Variants in POMGNT1 observed in about 807,000 individuals in gnomAD.
POMGNT1 encodes the protein protein O-linked-mannose beta-1,2-N-acetylglucosaminyltransferase 1.
POMGNT1 carries 67 observed loss-of-function variants against 95.6 expected under a neutral mutation model. The observed-to-expected ratio is 0.70, with a 90% CI of 0.58 to 0.86. POMGNT1 has a LOEUF of 0.86. POMGNT1 is among the 40% of genes least tolerant of loss of function. The probability of loss-of-function intolerance (pLI) is 0.00; values close to 1 mark genes in which losing one functional copy is unlikely to be tolerated. For missense variants in POMGNT1, 719 were observed against 855.2 expected (o/e 0.84, Z 1.99); for synonymous variants, 298 against 317.9 (o/e 0.94, Z 0.66).
At chr1:46,220,143 G>C in exon 1 of POMGNT1, 2 of 1,614,192 alleles carry the variant, frequency 1.2e-6, no homozygotes, top group Non-Finnish European at 1.7e-6. Context: ...TGAGTCACCA[G>C]AGGATGAGAG....
intron 1 of POMGNT1, among the ~76,000 whole-genome samples, chr1:46,207,929 G>A (rs1044726002): frequency 4.0e-5 from 6 of 151,656 alleles, no homozygotes; most frequent in East Asian, 1.9e-4. Flanking sequence ...GTGCAATGGC[G>A]TGATCTCGGC....
upstream of POMGNT1, among the ~76,000 whole-genome samples, chr1:46,199,045 G>A (rs555120759): frequency 8.7e-4 from 132 of 152,162 alleles, no homozygotes; most frequent in African/African-American, 2.9e-3. Context: ...GGGTTCAAGC[G>A]ATTCTCCTGC....
chr1:46,217,469 T>G (rs1187844066), intron 1 of POMGNT1, among the ~76,000 whole-genome samples: 1 of 152,226 alleles, frequency 6.6e-6, no homozygotes, highest in Non-Finnish European at 1.5e-5. Context: ...TTCCAAATCC[T>G]AATAAAGTAA....
chr1:46,205,865 C>T (rs999813824), intron 1 of POMGNT1, among the ~76,000 whole-genome samples: 4 of 152,230 alleles, frequency 2.6e-5, no homozygotes, highest in Non-Finnish European at 4.4e-5. Context: ...GATTTGCCTT[C>T]GGGCTACTGA....
chr1:46,194,302 G>A lies in POMGNT1; in HGVS notation c.851C>T (p.Pro284Leu). 6.2e-7 allele frequency: 1 copy of A among 1,614,184 alleles called. No individual in the cohort carries two copies. Among genetic ancestry groups the A allele is most frequent in the Middle Eastern group, 1.6e-4 (1 of 6,062 alleles). ...GYGSVCSCKD[P>L]TPIEFSPDPL... ...GTCAGGGCTGAACTCGATGGGTGTGGGGTCCTTGCAGCTGCATACACTTCC... is the reference window on the plus strand; with the variant it reads ...GTCAGGGCTGAACTCGATGGGTGTGAGGTCCTTGCAGCTGCATACACTTCC... Residue 284 changes from proline to leucine, a missense_variant, in exon 9 of 22, where the codon CCC becomes CTC. By Grantham distance (98) the Pro-to-Leu change is moderately conservative (BLOSUM62 -3). Around this residue, in one of 5 missense-constraint regions of POMGNT1, gnomAD observed 466 missense variants for 517.4 expected, o/e 0.90. Coordinates refer to ENST00000371984, the MANE Select transcript of POMGNT1 (RefSeq NM_017739.4).
chr1:46,192,623 G>A lies in POMGNT1; in HGVS notation c.1212-33C>T, dbSNP rs777302101. The A allele has an allele frequency of 2.5e-6, 4 of 1,611,992 alleles. No individual in the cohort carries two copies. The South Asian group carries it at 4.4e-5, about 18-fold the overall frequency. ...AGGCAGGGTCAAAGAGTTCAGGGAG[G>A]GACAAGGATAAATCTAGTCACACAG... On this transcript the variant is annotated intron_variant, in intron 14 of 21. Transcript: ENST00000371984.
chr1:46,191,962 CTG>C, intron 17 of POMGNT1, 134 bp downstream of exon 17: 1 of 1,381,258 alleles, frequency 7.2e-7, no homozygotes, highest in Non-Finnish European at 1.0e-6. Flanking sequence ...GATAAAGAAA[CTG>C]AGGCAAAAAT....
At chr1:46,220,282 A>G in exon 1 of POMGNT1, 3 of 1,496,278 alleles carry the variant, frequency 2.0e-6, no homozygotes, top group South Asian at 1.3e-5. Context: ...GTCTCCCCCA[A>G]AATTGATTCT....
upstream of POMGNT1, among the ~76,000 whole-genome samples, chr1:46,202,950 T>TGTGTGG (rs1658592110): frequency 7.9e-6 from 1 of 127,032 alleles, no homozygotes; most frequent in South Asian, 2.6e-4. Context: ...TGTGTGTGTG[T>TGTGTGG]GTGTGTGTCT....
In POMGNT1 at chr1:46,193,930, G is replaced by A. The variant is rs746970517; in HGVS notation, c.880-5C>T. On this transcript the variant is annotated splice_polypyrimidine_tract_variant and splice_region_variant and intron_variant, in intron 9 of 21. Transcript: ENST00000371984. ...GAGGACCTTGTTGTCTGGGAGCTGT[G>A]GGAGAAATAGCGTTTAGCTCTTGCC... 1.9e-6 allele frequency: 3 copies of A among 1,613,932 alleles called. No individual in the cohort carries two copies. Among genetic ancestry groups the A allele is most frequent in the African/African-American group, 1.3e-5 (1 of 74,918 alleles).
chr1:46,193,328 T>C lies in POMGNT1; in HGVS notation c.1087A>G (p.Ile363Val). The change falls in exon 12 of 22, where the codon ATC becomes GTC. Residue 363 changes from isoleucine to valine, a missense_variant. By Grantham distance (29) the Ile-to-Val change is conservative. This residue lies in a region of POMGNT1 where 466 missense variants were observed against 517.4 expected (regional missense o/e 0.90). Coordinates refer to ENST00000371984, the MANE Select transcript of POMGNT1 (RefSeq NM_017739.4). ...ACCTGAGACACGCGGGCATTCTTGA[T>C]GCTGATGGGAGTATGCTGGATGCCC... The part of the protein sequence containing the change: ...LRGIQHTPIS[I>V]KNARVSQHYK... 1.2e-6 allele frequency: 2 copies of C among 1,613,778 alleles called. No homozygotes were observed. The highest frequency in any genetic ancestry group is 1.7e-6 in the Non-Finnish European group (2 of 1,179,870).
intron 1 of POMGNT1, among the ~76,000 whole-genome samples, chr1:46,206,422 C>A (rs1346852177): frequency 6.6e-6 from 1 of 152,102 alleles, no homozygotes; most frequent in African/African-American, 2.4e-5. Flanking sequence ...AATGAGGAAA[C>A]CATACAGGAC....
intron 1 of POMGNT1, among the ~76,000 whole-genome samples, chr1:46,204,393 G>A (rs564163708): frequency 1.8e-4 from 28 of 152,312 alleles, no homozygotes; most frequent in Non-Finnish European, 3.7e-4. Context: ...GCCCTGGCAG[G>A]TTCCCCAGGG....
chr1:46,189,572 T>A lies in POMGNT1; in HGVS notation c.1786-5A>T, dbSNP rs757014219. 4.2e-5 allele frequency: 67 copies of A among 1,608,594 alleles called. No homozygotes were observed. The highest frequency in any genetic ancestry group is 5.5e-5 in the Non-Finnish European group (65 of 1,177,338). ...CAGGTCCCAGATATGGAGGCACTAG[T>A]GAGGGTGGGATGGAGACAGAGACAT... On this transcript the variant is annotated splice_region_variant and splice_polypyrimidine_tract_variant and intron_variant, in intron 20 of 21. Transcript: ENST00000371984.
intron 2 of POMGNT1, chr1:46,197,386 G>C: frequency 1.3e-6 from 2 of 1,485,066 alleles, no homozygotes; most frequent in Non-Finnish European, 1.8e-6. Context: ...GATGGAGCCA[G>C]GCCCAGGGAC....
intron 1 of POMGNT1, among the ~76,000 whole-genome samples, chr1:46,219,491 G>T (rs1409831856): frequency 6.6e-6 from 1 of 152,176 alleles, no homozygotes; most frequent in African/African-American, 2.4e-5. Context: ...AAGAGACTGA[G>T]GCTCAAAGAA....
Position 46,189,303 on chromosome 1 carries a change from C to T in POMGNT1, c.1950G>A (p.Glu650=), listed in dbSNP as rs2148161681. The T allele has an allele frequency of 1.2e-6, 2 of 1,613,844 alleles. No individual in the cohort carries two copies. The highest frequency in any genetic ancestry group is 1.7e-6 in the Non-Finnish European group (2 of 1,179,982). ...TPIFLEPPPK[E]EGAPGAPEQT is the part of the protein sequence containing the mutation. Reference sequence around the variant, plus strand: ...GTTCTGGGGCTCCTGGGGCTCCCTCCTCCTTTGGGGGTGGCTCCAGGAAAA... The same window carrying T: ...GTTCTGGGGCTCCTGGGGCTCCCTCTTCCTTTGGGGGTGGCTCCAGGAAAA... Residue 650 remains glutamate, a synonymous_variant, in exon 22 of 22, where the codon GAG becomes GAA. Coordinates refer to ENST00000371984, the MANE Select transcript of POMGNT1 (RefSeq NM_017739.4).
At chr1:46,197,612 G>T (rs1571672194) in intron 2 of POMGNT1, 90 bp downstream of exon 2, 1 of 1,589,356 alleles carries the variant, frequency 6.3e-7, no homozygotes, top group Non-Finnish European at 8.6e-7. Context: ...TCCCACTGGG[G>T]CTGGCCAACA....
upstream of POMGNT1, among the ~76,000 whole-genome samples, chr1:46,202,419 G>A (rs556336530): frequency 1.4e-4 from 22 of 152,072 alleles, no homozygotes; most frequent in African/African-American, 4.3e-4. Context: ...TTGGCTGGGC[G>A]CAGTGGCTCA....
Sources: allele counts gnomAD v4.1 joint callset (sites outside exome capture counted in the v4.1 genomes callset), GRCh38; gene constraint gnomAD v4.1.1; regional missense constraint gnomAD v4.1.1; transcripts MANE v1.5; gene names NCBI Gene and HGNC (gene_info 2026-07-23, HGNC 2026-07-21).